The following RANBP1 variants were observed in gnomAD, a reference collection of about 807,000 sequenced individuals.
RANBP1 encodes the protein ran-specific GTPase-activating protein.
A neutral mutation model predicts 31.4 loss-of-function variants in RANBP1; 16 were observed. The observed-to-expected ratio is 0.51, with a 90% CI of 0.34 to 0.77. RANBP1 has a LOEUF of 0.77. RANBP1 is among the 30% of genes least tolerant of loss of function. The pLI, the probability that RANBP1 is intolerant of heterozygous loss-of-function variation, is 0.01. For missense variants in RANBP1, 265 were observed against 362.0 expected, an observed-to-expected ratio of 0.73 and a Z score of 2.17; for synonymous variants, 129 against 140.5, an observed-to-expected ratio of 0.92 and a Z score of 0.58.
At chr22:20,126,676 A>G (rs2050308254) in intron 5 of RANBP1, 2 of 1,507,160 alleles carry the variant, frequency 1.3e-6, no homozygotes, top group African/African-American at 1.4e-5. Flanking sequence ...CACCTCTGCC[A>G]TGAGGCTGGA....
At chr22:20,125,992 A>G (rs955902869) in intron 4 of RANBP1, among the ~76,000 whole-genome samples, 6 of 152,246 alleles carry the variant, frequency 3.9e-5, no homozygotes, top group Non-Finnish European at 8.8e-5. Context: ...TTTGGTGCCA[A>G]GTGACCTTGT....
Position 20,122,304 on chromosome 22 carries a change from C to A in RANBP1, c.424C>A (p.Pro142Thr). The A allele has an allele frequency of 6.2e-7, 1 of 1,613,228 alleles. No homozygotes were observed. Among genetic ancestry groups the A allele is most frequent in the Non-Finnish European group, 8.5e-7 (1 of 1,179,924 alleles). The change falls in exon 3 of 6, where the codon CCA (proline) becomes ACA (threonine). Residue 142 changes from proline (P) to threonine (T), a missense_variant. By Grantham distance (38) the Pro-to-Thr change is conservative (BLOSUM62 -1). This residue lies in a region of RANBP1 where 90 missense variants were observed against 190.5 expected (regional missense o/e 0.47). Coordinates refer to ENST00000430524, the MANE Select transcript of RANBP1 (RefSeq NM_001278639.2). ...LFRFASENDL[P>T]EWKERGTGDV... ...CCGATTTGCCTCTGAGAACGATCTC[C>A]CAGAATGGAAGGAGCGAGGCACTGG... is the stretch of plus-strand genomic sequence containing the variant.
chr22:20,122,627 C>T (rs933259555), intron 3 of RANBP1: 62 of 1,512,080 alleles, frequency 4.1e-5, no homozygotes, highest in Non-Finnish European at 4.9e-5. Context: ...TTAGAGCACA[C>T]GGGGGTGTGG....
rs572287268 is a variant in RANBP1 at position 20,119,329 on chromosome 22, G to C, written c.383+180G>C. ...TTCCTTTCATGAATCTTCACCAGAT[G>C]CCCTTGCTGCCCTGCAGCCAGTTGC... On this transcript the variant is annotated intron_variant, in intron 2 of 5. Coordinates refer to ENST00000430524, the MANE Select transcript of RANBP1 (RefSeq NM_001278639.2). The C allele has an allele frequency of 4.1e-4, 248 of 609,576 alleles. 5 individuals are homozygous for C. In the South Asian group the frequency reaches 4.6e-3, roughly 11 times the overall value. 37.8% of individuals were successfully genotyped at this position (609,576 alleles called of 1,614,324 possible). A position where few individuals can be genotyped will look rare whatever the true frequency, so the allele number is the denominator to read the frequency against.
rs1282630284 is a variant in RANBP1 at position 20,127,116 on chromosome 22, C to T, written c.*64C>T. On this transcript the variant is annotated 3_prime_UTR_variant, in exon 6 of 6. Coordinates refer to ENST00000430524, the MANE Select transcript of RANBP1 (RefSeq NM_001278639.2). ...CTTTTTTTAAAAAATTTTACCCTGC[C>T]CCTCTTTTTCGGTTTGTTTTTATTC... 10 of 1,365,860 alleles carry T rather than the reference C, an allele frequency of 7.3e-6. No individual in the cohort carries two copies. The highest frequency in any genetic ancestry group is 3.0e-5 in the African/African-American group (2 of 67,516). 84.6% of individuals were successfully genotyped at this position (1,365,860 alleles called of 1,614,324 possible).
intron 1 of RANBP1, chr22:20,117,062 C>G (rs1358695380): frequency 1.0e-6 from 1 of 979,386 alleles, no homozygotes; most frequent in African/African-American, 1.6e-5. Context: ...TCGCCGCCAC[C>G]CCCGGCTTCG....
Position 20,116,282 on chromosome 22 carries a change from C to T in RANBP1, c.98C>T (p.Ala33Val), listed in dbSNP as rs769209194. 6 of 1,612,840 alleles carry T rather than the reference C, an allele frequency of 3.7e-6. No homozygotes were observed. The highest frequency in any genetic ancestry group is 1.3e-5 in the African/African-American group (1 of 74,956). ...KTRRALSLSA[A>V]LRNVTKAQGG... ...CGCAGGGCCTTGTCCCTCTCTGCAG[C>T]GCTGCGGAATGTCACAAAGGCGCAG... The change falls in exon 1 of 6, where the codon GCG (alanine) becomes GTG (valine). Residue 33 changes from alanine to valine, a missense_variant. This residue lies in a region of RANBP1 where 126 missense variants were observed against 123.6 expected (regional missense o/e 1.02). Transcript: ENST00000430524.
At chr22:20,119,316 A>C in intron 2 of RANBP1, 167 bp downstream of exon 2, 3 of 653,992 alleles carry the variant, frequency 4.6e-6, no homozygotes, top group African/African-American at 1.8e-5. Context: ...CCTTTCATGA[A>C]TCTTCACCAG....
At chr22:20,120,695 G>A (rs868493512) in intron 2 of RANBP1, among the ~76,000 whole-genome samples, 1 of 152,328 alleles carries the variant, frequency 6.6e-6, no homozygotes, top group Middle Eastern at 3.4e-3. Flanking sequence ...GTTGGCCAGG[G>A]CCTGTTGCCT....
Position 20,116,382 on chromosome 22 carries a change from G to C in RANBP1, c.198G>C (p.Lys66Asn). The change falls in exon 1 of 6, where the codon AAG becomes AAC. Residue 66 changes from lysine to asparagine, a missense_variant. Lys to Asn is a moderately conservative substitution (Grantham distance 94). This residue lies in a region of RANBP1 where 126 missense variants were observed against 123.6 expected (regional missense o/e 1.02). Transcript: ENST00000430524. ...KRPRKRRTSL[K>N]LAWRGTFCSS... Reference sequence around the variant, plus strand: ...CCAGGAAGCGCCGGACGTCGCTGAAGCTGGCGTGGCGAGGCACGTTCTGCA... The same window carrying C: ...CCAGGAAGCGCCGGACGTCGCTGAACCTGGCGTGGCGAGGCACGTTCTGCA... 1.2e-6 allele frequency: 2 copies of C among 1,612,170 alleles called. No individual in the cohort carries two copies. The highest frequency in any genetic ancestry group is 1.7e-6 in the Non-Finnish European group (2 of 1,179,256).
chr22:20,126,445 T>G, intron 5 of RANBP1, 77 bp downstream of exon 5: 1 of 1,610,272 alleles, frequency 6.2e-7, no homozygotes, highest in Admixed American at 1.7e-5. Flanking sequence ...GCGGGTGCTT[T>G]TTCTGTCTGC....
chr22:20,120,510 C>T lies in RANBP1; in HGVS notation c.383+1361C>T, dbSNP rs546632343. On this transcript the variant is annotated intron_variant, in intron 2 of 5. Transcript: ENST00000430524. ...TCCAGGGGCATCCTGTTGGGGAACC[C>T]TGTGAGACAGTCTCTTGCCAGAATC... Among the ~76,000 whole-genome samples, 21 of 152,326 alleles carry T rather than the reference C, an allele frequency of 1.4e-4. No individual in the cohort carries two copies. In the South Asian group the frequency reaches 2.7e-3, roughly 20 times the overall value.
chr22:20,122,615 G>A (rs1602542747), intron 3 of RANBP1, 194 bp downstream of exon 3: 2 of 1,523,146 alleles, frequency 1.3e-6, no homozygotes, highest in Non-Finnish European at 1.8e-6. Context: ...CCGCAGCGAA[G>A]CTTAGAGCAC....
intron 5 of RANBP1, 129 bp from the exon 6 acceptor site, chr22:20,126,823 G>C: frequency 7.3e-7 from 1 of 1,375,088 alleles, no homozygotes; most frequent in Non-Finnish European, 1.0e-6. Context: ...GCTTGGCCAG[G>C]CAGGAGTCTG....
At chr22:20,121,363 C>T (rs2050166884) in intron 2 of RANBP1, among the ~76,000 whole-genome samples, 1 of 152,156 alleles carries the variant, frequency 6.6e-6, no homozygotes, top group South Asian at 2.1e-4. Context: ...GATTCTCCTG[C>T]CTCAGCCTCC....
At chr22:20,117,189 G>A (rs1602527627) in intron 1 of RANBP1, 1 of 547,640 alleles carries the variant, frequency 1.8e-6, no homozygotes, top group African/African-American at 2.0e-5. Flanking sequence ...GCCACTCTTA[G>A]TCCGCCAGCG....
At chr22:20,123,517 T>G (rs1248858530) in intron 3 of RANBP1, among the ~76,000 whole-genome samples, 5 of 137,160 alleles carry the variant, frequency 3.6e-5, no homozygotes, top group East Asian at 2.3e-4. Flanking sequence ...AGATTGGGGG[T>G]GTTCGGGCAG....
At chr22:20,119,487 T>C (rs1476284253) in intron 2 of RANBP1, 2 of 267,530 alleles carry the variant, frequency 7.5e-6, no homozygotes, top group Non-Finnish European at 1.4e-5. Context: ...AGCATAGACT[T>C]CTTTGGCATC....
chr22:20,121,719 C>G (rs1156693681), intron 2 of RANBP1, among the ~76,000 whole-genome samples: 1 of 151,902 alleles, frequency 6.6e-6, no homozygotes, highest in African/African-American at 2.4e-5. Context: ...TAATTTTTAT[C>G]TTTTTGTAGA....
Sources: gnomAD v4.1 joint callset for allele counts (sites outside exome capture counted in the v4.1 genomes callset) on GRCh38, gnomAD v4.1.1 for gene constraint, gnomAD v4.1.1 regional missense constraint, MANE v1.5 for transcripts, NCBI Gene and HGNC (gene_info 2026-07-23, HGNC 2026-07-21) for gene names.